Variants in DDX4 observed in about 807,000 individuals in gnomAD.
The protein encoded by DDX4 is DEAD-box helicase 4, also known as probable ATP-dependent RNA helicase DDX4.
Under a neutral mutation model 100.0 loss-of-function variants are expected in DDX4, and 25 were observed. The observed-to-expected ratio is 0.25, with a 90% CI of 0.18 to 0.35. DDX4 has a LOEUF of 0.35. Among genes scored for constraint, DDX4 ranks in the 10% least tolerant of loss-of-function variants. DDX4 has a pLI of 1.00. For synonymous variants in DDX4, 259 were observed against 275.7 expected (o/e 0.94, Z 0.60); for missense variants, 635 against 882.4 (o/e 0.72, Z 3.55).
chr5:55,740,596 C>T (rs1758923279), intron 2 of DDX4, among the ~76,000 whole-genome samples: 1 of 151,508 alleles, frequency 6.6e-6, no homozygotes, highest in Admixed American at 6.6e-5. Context: ...ACCTCTGCCT[C>T]CTAGGTTCAA....
chr5:55,790,778 G>A, intron 16 of DDX4, 73 bp downstream of exon 16: 2 of 1,369,528 alleles, frequency 1.5e-6, no homozygotes, highest in Non-Finnish European at 2.1e-6. Context: ...AAAGAATGAG[G>A]TAAAGACAGA....
chr5:55,778,265 C>T (rs575431100), intron 7 of DDX4, among the ~76,000 whole-genome samples: 5 of 151,970 alleles, frequency 3.3e-5, no homozygotes, highest in African/African-American at 1.2e-4. Context: ...GAACAGAGCA[C>T]ATGAAAACTT....
chr5:55,805,824 A>T lies in DDX4; in HGVS notation c.1615+7253A>T, dbSNP rs186444904. Among the ~76,000 whole-genome samples, 5 of 152,260 alleles carry T rather than the reference A, an allele frequency of 3.3e-5. No homozygotes were observed. In the East Asian group the frequency reaches 9.6e-4, roughly 29 times the overall value. ...TCTCTGCCCGGCTTTGGTATCAGGA[A>T]GATGCTGGCCTCATAAAATGAGTTA... On this transcript the variant is annotated intron_variant, in intron 18 of 21. Coordinates refer to ENST00000505374, the MANE Select transcript of DDX4 (RefSeq NM_024415.3).
At chr5:55,769,840 A>G (rs1254120303) in intron 7 of DDX4, among the ~76,000 whole-genome samples, 1 of 152,004 alleles carries the variant, frequency 6.6e-6, no homozygotes, top group African/African-American at 2.4e-5. Flanking sequence ...GGAACAGAAT[A>G]GAGAGCACAA....
chr5:55,804,832 T>C (rs528208618), intron 18 of DDX4, among the ~76,000 whole-genome samples: 129 of 152,308 alleles, frequency 8.5e-4, no homozygotes, highest in African/African-American at 3.0e-3. Flanking sequence ...ATATGAACTT[T>C]AAAGTTGGTT....
At chr5:55,804,069 C>A (rs2112136980) in intron 18 of DDX4, among the ~76,000 whole-genome samples, 1 of 151,726 alleles carries the variant, frequency 6.6e-6, no homozygotes, top group East Asian at 1.9e-4. Context: ...TCTCTGATGG[C>A]CAGTGATGGT....
intron 17 of DDX4, among the ~76,000 whole-genome samples, chr5:55,794,561 A>G (rs970320513): frequency 1.3e-5 from 2 of 152,026 alleles, no homozygotes; most frequent in East Asian, 1.9e-4. Context: ...TTTGGTAACT[A>G]TCTAATTAGC....
intron 2 of DDX4, 124 bp downstream of exon 2, chr5:55,739,156 C>A: frequency 1.5e-6 from 1 of 657,372 alleles, no homozygotes; most frequent in Non-Finnish European, 2.7e-6. Flanking sequence ...TTGTTATTAA[C>A]TATTATATGG....
chr5:55,770,019 C>T (rs1045285222), intron 7 of DDX4, among the ~76,000 whole-genome samples: 1 of 152,034 alleles, frequency 6.6e-6, no homozygotes, highest in Non-Finnish European at 1.5e-5. Flanking sequence ...AGGCATGTGC[C>T]AGCATGCCTG....
At chr5:55,755,642 A>T (rs1759879512) in intron 3 of DDX4, among the ~76,000 whole-genome samples, 1 of 151,950 alleles carries the variant, frequency 6.6e-6, no homozygotes, top group Non-Finnish European at 1.5e-5. Context: ...AAGCTCCGGA[A>T]CATGAAAATT....
intron 18 of DDX4, among the ~76,000 whole-genome samples, chr5:55,812,153 C>A (rs894683363): frequency 2.0e-5 from 3 of 152,072 alleles, no homozygotes; most frequent in African/African-American, 7.2e-5. Flanking sequence ...AGTTCAATTT[C>A]TTTACTTTCT....
At chr5:55,806,056 G>A (rs561624600) in intron 18 of DDX4, among the ~76,000 whole-genome samples, 3 of 152,162 alleles carry the variant, frequency 2.0e-5, no homozygotes, top group East Asian at 3.9e-4. Context: ...GTTTTGGGAG[G>A]GTGTATGTGT....
At chr5:55,796,587 A>C (rs1490176713) in intron 17 of DDX4, among the ~76,000 whole-genome samples, 2 of 152,136 alleles carry the variant, frequency 1.3e-5, no homozygotes, top group Non-Finnish European at 2.9e-5. Context: ...AACACATGAC[A>C]GTCTCAGGCT....
chr5:55,760,119 A>G (rs1459185230), intron 3 of DDX4, 81 bp from the exon 4 acceptor site: 3 of 1,455,912 alleles, frequency 2.1e-6, no homozygotes, highest in Admixed American at 2.8e-5. Context: ...CCTTTGCCAC[A>G]TGTGGCACAG....
intron 18 of DDX4, among the ~76,000 whole-genome samples, chr5:55,810,689 A>G (rs557433498): frequency 6.6e-6 from 1 of 152,300 alleles, no homozygotes; most frequent in South Asian, 2.1e-4. Context: ...TAATTTCTAG[A>G]ATCCCTTCCT....
chr5:55,740,993 C>T (rs1412236833), intron 2 of DDX4, among the ~76,000 whole-genome samples: 1 of 152,096 alleles, frequency 6.6e-6, no homozygotes, highest in Non-Finnish European at 1.5e-5. Context: ...ATTACTTGTT[C>T]AGAGGACATT....
chr5:55,803,539 T>C (rs1291891510), intron 18 of DDX4, among the ~76,000 whole-genome samples: 1 of 136,344 alleles, frequency 7.3e-6, no homozygotes, highest in Admixed American at 8.4e-5. Flanking sequence ...TGTGTTCTCA[T>C]TGTTCAATTC....
intron 7 of DDX4, 57 bp downstream of exon 7, chr5:55,767,997 A>G (rs1354341235): frequency 6.8e-7 from 1 of 1,478,466 alleles, no homozygotes; most frequent in Non-Finnish European, 9.5e-7. Flanking sequence ...AAACTGGTAA[A>G]ACTGATTTTG....
At chr5:55,802,127 G>C (rs1009057558) in intron 18 of DDX4, among the ~76,000 whole-genome samples, 5 of 152,202 alleles carry the variant, frequency 3.3e-5, no homozygotes, top group Non-Finnish European at 7.3e-5. Context: ...AAATCCAGGT[G>C]AGATGTTAGT....
Sources: gnomAD v4.1 joint callset for allele counts (sites outside exome capture counted in the v4.1 genomes callset) on GRCh38, gnomAD v4.1.1 for gene constraint, MANE v1.5 for transcripts, NCBI Gene and HGNC (gene_info 2026-07-23, HGNC 2026-07-21) for gene names.